The following PROX2 variants were observed in gnomAD, a reference collection of about 807,000 sequenced individuals.
PROX2 encodes the protein prospero homeobox 2, also known as prospero homeobox protein 2.
A neutral mutation model predicts 48.9 loss-of-function variants in PROX2; 46 were observed. The ratio of observed to expected loss-of-function variants is 0.94; its 90% CI spans 0.74 to 1.20. PROX2 has a LOEUF of 1.20. PROX2 is among the 50% of genes most tolerant of loss of function. The pLI is 0.00. For synonymous variants in PROX2, 260 were observed against 276.6 expected (o/e 0.94, Z 0.60); for missense variants, 663 against 719.4 (o/e 0.92, Z 0.90).
At position 74,869,700 on chromosome 14, in the gene PROX2, A is replaced by G. The variant is rs148294275; in HGVS notation, c.-175+1403T>C. 5.3e-5 allele frequency among the ~76,000 whole-genome samples: 8 copies of G among 152,346 alleles called. No homozygotes were observed. In the East Asian group the frequency reaches 1.5e-3, roughly 29 times the overall value. ...GCTCCTACCAATGTATCTATAAAAG[A>G]ACATACATCTCCTTATCTTTATCAA... On this transcript the variant is annotated intron_variant, in intron 2 of 5. Coordinates refer to ENST00000556489, the MANE Select transcript of PROX2 (RefSeq NM_001243007.2).
rs1207982434 is a variant in PROX2, at chr14:74,863,475, G to T, written c.360C>A (p.Ala120=). The T allele has an allele frequency of 6.2e-7, 1 of 1,613,784 alleles. No homozygotes were observed. Among genetic ancestry groups the T allele is most frequent in the East Asian group, 2.2e-5 (1 of 44,882 alleles). The change falls in exon 3 of 6, where the codon GCC becomes GCA. Residue 120 remains alanine, a synonymous_variant. Coordinates refer to ENST00000556489, the MANE Select transcript of PROX2 (RefSeq NM_001243007.2). ...CCCCCTTCCTGTTGCCCTGGTCCCA[G>T]GCAGGGGCTGGCATCAGGAGGCCTT... ...TPQGLLMPAP[A]WDQGNRKGGP...
intron 1 of PROX2, among the ~76,000 whole-genome samples, chr14:74,875,139 C>T (rs563586939): frequency 7.9e-5 from 12 of 151,102 alleles, no homozygotes; most frequent in Non-Finnish European, 1.6e-4. Flanking sequence ...AGCAAGACTC[C>T]ATCTCAAAAA....
At position 74,875,938 on chromosome 14, in the gene PROX2, C is replaced by T. The variant is rs961105610; in HGVS notation, c.-353G>A. 1.1e-4 allele frequency among the ~76,000 whole-genome samples: 16 copies of T among 152,336 alleles called. No homozygotes were observed. Among genetic ancestry groups the T allele is most frequent in the African/African-American group, 3.8e-4 (16 of 41,574 alleles). Reference sequence around the variant, plus strand: ...GAGGTCCTTGTCTTGGGCTCTGTGGCCAGGTGGGGCCAACCACTCTAGAAG... The same window carrying T: ...GAGGTCCTTGTCTTGGGCTCTGTGGTCAGGTGGGGCCAACCACTCTAGAAG... On this transcript the variant is annotated 5_prime_UTR_variant, in exon 1 of 6. Transcript: ENST00000556489.
At chr14:74,869,238 C>T (rs1883152242) in intron 2 of PROX2, among the ~76,000 whole-genome samples, 1 of 151,972 alleles carries the variant, frequency 6.6e-6, no homozygotes, top group Non-Finnish European at 1.5e-5. Flanking sequence ...AATGTACCAA[C>T]TGACTGGGGG....
intron 1 of PROX2, chr14:74,873,990 G>T: frequency 2.0e-6 from 1 of 505,302 alleles, no homozygotes; most frequent in South Asian, 1.5e-5. Context: ...AACAAATATT[G>T]ACATGGTTCA....
intron 2 of PROX2, among the ~76,000 whole-genome samples, chr14:74,866,450 G>C (rs1390326959): frequency 1.3e-5 from 2 of 152,168 alleles, no homozygotes; most frequent in East Asian, 3.8e-4. Flanking sequence ...ACATGAAGAG[G>C]CTGGGGGCAT....
At chr14:74,871,035 C>T (rs541513052) in intron 2 of PROX2, 68 bp downstream of exon 2, 21 of 152,006 alleles carry the variant, frequency 1.4e-4, no homozygotes, top group African/African-American at 3.9e-4. Context: ...GAGCGAGACT[C>T]CATCTCAAAA....
intron 4 of PROX2, 163 bp from the exon 5 acceptor site, chr14:74,857,158 C>G (rs2091750730): frequency 1.2e-5 from 7 of 586,946 alleles, no homozygotes; most frequent in Non-Finnish European, 1.5e-5. Context: ...TTTTCCAAGC[C>G]TATTTAGTTA....
intron 3 of PROX2, 102 bp from the exon 4 acceptor site, chr14:74,858,616 T>G (rs983395696): frequency 1.4e-6 from 1 of 702,708 alleles, no homozygotes; most frequent in African/African-American, 1.8e-5. Context: ...CATTTTGTTT[T>G]TCTGATTGGA....
In PROX2 at chr14:74,862,967, T is replaced by A. The variant is rs1300868601; in HGVS notation, c.868A>T (p.Arg290Trp). The A allele has an allele frequency of 2.5e-6, 4 of 1,613,842 alleles. No homozygotes were observed. The highest frequency in any genetic ancestry group is 3.4e-6 in the Non-Finnish European group (4 of 1,179,874). ...KDPLALAALPRRVQLQAGVPV... is the reference protein window; with the variant it reads ...KDPLALAALPWRVQLQAGVPV... ...ACCCCAGCTTGTAGCTGGACCCTCCTGGGCAAGGCAGCCAAAGCAAGTGGA... is the reference window on the plus strand; with the variant it reads ...ACCCCAGCTTGTAGCTGGACCCTCCAGGGCAAGGCAGCCAAAGCAAGTGGA... Residue 290 changes from arginine (R) to tryptophan (W), a missense_variant, in exon 3 of 6, where the codon AGG becomes TGG. By Grantham distance (101) the Arg-to-Trp change is moderately radical. Coordinates refer to ENST00000556489, the MANE Select transcript of PROX2 (RefSeq NM_001243007.2).
At chr14:74,867,654 A>G (rs2140171991) in intron 2 of PROX2, among the ~76,000 whole-genome samples, 1 of 152,330 alleles carries the variant, frequency 6.6e-6, no homozygotes, top group Admixed American at 6.5e-5. Flanking sequence ...TTGTGCATGG[A>G]ACAAAATCAA....
chr14:74,861,748 C>G (rs747400326), intron 3 of PROX2, among the ~76,000 whole-genome samples: 1 of 152,308 alleles, frequency 6.6e-6, no homozygotes, highest in Admixed American at 6.5e-5. Flanking sequence ...GTTTAATCCC[C>G]GAGGAAAACT....
chr14:74,868,159 A>T (rs932983164), intron 2 of PROX2, among the ~76,000 whole-genome samples: 1 of 151,894 alleles, frequency 6.6e-6, no homozygotes, highest in Non-Finnish European at 1.5e-5. Flanking sequence ...AAAGTAATGT[A>T]GGATCATTTT....
chr14:74,874,669 T>C (rs746760185), intron 1 of PROX2, among the ~76,000 whole-genome samples: 10 of 152,080 alleles, frequency 6.6e-5, no homozygotes, highest in Non-Finnish European at 1.2e-4. Context: ...TAAAAATTGG[T>C]TTACTAAAAA....
intron 5 of PROX2, chr14:74,856,123 A>C (rs986732286): frequency 2.0e-5 from 3 of 152,254 alleles, no homozygotes; most frequent in African/African-American, 7.2e-5. Flanking sequence ...CTGTGACCAG[A>C]TATACCCGGC....
intron 3 of PROX2, among the ~76,000 whole-genome samples, chr14:74,859,977 G>C (rs990226330): frequency 5.9e-5 from 9 of 152,234 alleles, no homozygotes; most frequent in African/African-American, 2.2e-4. Context: ...TCATTGCTAA[G>C]ATGTGGAGTA....
In PROX2 at chr14:74,862,901, G is replaced by A. The variant is rs775019285; in HGVS notation, c.934C>T (p.Pro312Ser). Residue 312 changes from proline to serine, a missense_variant, in exon 3 of 6, where the codon CCT becomes TCT. By Grantham distance (74) the Pro-to-Ser change is moderately conservative. Coordinates refer to ENST00000556489, the MANE Select transcript of PROX2 (RefSeq NM_001243007.2). ...ATTCTTGGAGGGATAGGGTACCTAG[G>A]AGAATCTAGACGCTTGGCCAGTGAT... ...NLSLAKRLDS[P>S]RYPIPPRMTP... The A allele has an allele frequency of 6.2e-7, 1 of 1,613,900 alleles. No homozygotes were observed.
chr14:74,873,756 C>A, intron 1 of PROX2: 1 of 477,976 alleles, frequency 2.1e-6, no homozygotes, highest in South Asian at 1.6e-5. Flanking sequence ...GGCCAAGCTA[C>A]TTCTAGAACA....
At chr14:74,873,131 G>A (rs754297163) in intron 1 of PROX2, among the ~76,000 whole-genome samples, 4 of 151,976 alleles carry the variant, frequency 2.6e-5, no homozygotes, top group Admixed American at 2.0e-4. Context: ...CTACAGGCAC[G>A]TGCCACCATG....
Sources: allele counts gnomAD v4.1 joint callset (sites outside exome capture counted in the v4.1 genomes callset), GRCh38; gene constraint gnomAD v4.1.1; transcripts MANE v1.5; gene names NCBI Gene and HGNC (gene_info 2026-07-23, HGNC 2026-07-21).